STAT5B: variants seen among roughly 807,000 people sequenced by gnomAD.
STAT5B encodes transcription factor STAT5B.
STAT5B carries 21 observed loss-of-function variants against 107.8 expected under a neutral mutation model. That is an observed-to-expected ratio of 0.19 (90% CI 0.14 to 0.28). The LOEUF (loss-of-function observed/expected upper bound fraction) is 0.28. STAT5B is among the 10% of genes least tolerant of loss of function. STAT5B has a pLI of 1.00. For missense variants in STAT5B, 565 were observed against 1,008.2 expected, an observed-to-expected ratio of 0.56 and a Z score of 5.95; for synonymous variants, 325 against 401.7, an observed-to-expected ratio of 0.81 and a Z score of 2.28.
chr17:42,240,553 C>T (rs1027034629), intron 1 of STAT5B, among the ~76,000 whole-genome samples: 8 of 152,098 alleles, frequency 5.3e-5, no homozygotes, highest in Non-Finnish European at 1.0e-4. Flanking sequence ...GAAAATGTTC[C>T]GGAATTAGAT....
chr17:42,227,894 C>T (rs567698184), intron 2 of STAT5B, among the ~76,000 whole-genome samples: 12 of 151,878 alleles, frequency 7.9e-5, no homozygotes, highest in Non-Finnish European at 1.2e-4. Flanking sequence ...AGTAGATTTC[C>T]TTCTTTTAAA....
At chr17:42,240,467 G>A (rs1452103084) in intron 1 of STAT5B, among the ~76,000 whole-genome samples, 1 of 152,184 alleles carries the variant, frequency 6.6e-6, no homozygotes, top group Admixed American at 6.5e-5. Flanking sequence ...AAAATAGATT[G>A]TTGGTTGCCA....
In STAT5B at chr17:42,263,018, A is replaced by AT. The variant is rs2080630846; in HGVS notation, c.-11+13229_-11+13230insA. On this transcript the variant is annotated intron_variant, in intron 1 of 18. Transcript: ENST00000293328. ...TATATATATATATATATATATATAAAAAAACAAAAACAATTTTTTTTTTTT... is the reference window on the plus strand; with the variant it reads ...TATATATATATATATATATATATAAATAAAACAAAAACAATTTTTTTTTTTT... 6.2e-5 allele frequency among the ~76,000 whole-genome samples: 3 copies of AT among 48,008 alleles called. No homozygotes were observed. In the South Asian group the frequency reaches 2.4e-3, roughly 38 times the overall value. 31.5% of individuals were successfully genotyped at this position (48,008 alleles called of 152,430 possible). A position where few individuals can be genotyped will look rare whatever the true frequency, so the allele number is the denominator to read the frequency against.
chr17:42,202,068 T>C (rs1051561968), intron 18 of STAT5B: 2 of 637,500 alleles, frequency 3.1e-6, no homozygotes, highest in African/African-American at 1.8e-5. Context: ...ACACCGGCTG[T>C]CCAGACACAT....
At chr17:42,267,196 C>T (rs1408817312) in intron 1 of STAT5B, among the ~76,000 whole-genome samples, 1 of 152,174 alleles carries the variant, frequency 6.6e-6, no homozygotes, top group Non-Finnish European at 1.5e-5. Flanking sequence ...GCGTGCAGTA[C>T]ATACTTGATA....
intron 1 of STAT5B, chr17:42,269,522 C>T (rs2080704483): frequency 6.6e-6 from 1 of 152,192 alleles, no homozygotes; most frequent in Admixed American, 6.5e-5. Context: ...ATCTCACTGA[C>T]ACAAACATAA....
At chr17:42,247,869 C>T (rs1209851333) in intron 1 of STAT5B, among the ~76,000 whole-genome samples, 1 of 151,528 alleles carries the variant, frequency 6.6e-6, no homozygotes, top group African/African-American at 2.4e-5. Context: ...GGGAGAATCA[C>T]TTGAGCCTAG....
At chr17:42,204,020 G>A (rs139410666) in intron 16 of STAT5B, among the ~76,000 whole-genome samples, 60 of 152,242 alleles carry the variant, frequency 3.9e-4, no homozygotes, top group African/African-American at 1.4e-3. Context: ...ATCTGATGAT[G>A]TCTGAGGTTC....
chr17:42,280,570 C>A (rs2080791486), upstream of STAT5B, among the ~76,000 whole-genome samples: 1 of 152,158 alleles, frequency 6.6e-6, no homozygotes, highest in African/African-American at 2.4e-5. Context: ...TAAGAAAGGG[C>A]ACTGTGGGAA....
intron 1 of STAT5B, 74 bp from the exon 2 acceptor site, chr17:42,232,211 AC>A: frequency 6.8e-7 from 1 of 1,477,390 alleles, no homozygotes; most frequent in Non-Finnish European, 9.1e-7. Context: ...GTAAATATTC[AC>A]TTAGTTACCA....
intron 18 of STAT5B, chr17:42,202,099 A>G (rs1442702172): frequency 6.2e-6 from 4 of 640,932 alleles, no homozygotes; most frequent in Middle Eastern, 3.5e-4. Flanking sequence ...CTCAGTCCTT[A>G]GAGCAAGAAA....
At chr17:42,270,237 A>G (rs192756458) in intron 1 of STAT5B, among the ~76,000 whole-genome samples, 2 of 152,228 alleles carry the variant, frequency 1.3e-5, no homozygotes, top group Admixed American at 1.3e-4. Flanking sequence ...ATTAGCCCAA[A>G]TAAGTAAAAT....
chr17:42,255,422 CTT>C (rs939058164), intron 1 of STAT5B, among the ~76,000 whole-genome samples: 3 of 152,208 alleles, frequency 2.0e-5, no homozygotes, highest in African/African-American at 7.2e-5. Flanking sequence ...ATTAACTTGT[CTT>C]TGCATACTCA....
At chr17:42,285,373 T>TCCCA in the STAT5B span, among the ~76,000 whole-genome samples, 2 of 152,216 alleles carry the variant, frequency 1.3e-5, no homozygotes, top group Non-Finnish European at 2.9e-5. Flanking sequence ...ATTACAGGCG[T>TCCCA]GAGCCACTGC....
chr17:42,256,651 A>G lies in STAT5B; in HGVS notation c.-11+19597T>C, dbSNP rs557445812. On this transcript the variant is annotated intron_variant, in intron 1 of 18. Coordinates refer to ENST00000293328, the MANE Select transcript of STAT5B (RefSeq NM_012448.4). ...GAGGCGAGCAGGTCACGAGGTTAGG[A>G]GATCGAGACCATCCTGGCTAACATG... Among the ~76,000 whole-genome samples, 3 of 152,098 alleles carry G rather than the reference A, an allele frequency of 2.0e-5. No individual in the cohort carries two copies. In the South Asian group the frequency reaches 6.2e-4, roughly 32 times the overall value.
intron 1 of STAT5B, among the ~76,000 whole-genome samples, chr17:42,264,119 GT>G (rs951255739): frequency 9.9e-5 from 15 of 151,740 alleles, no homozygotes; most frequent in Admixed American, 3.3e-4. Context: ...AAATGATTTA[GT>G]TTATTAAACC....
the STAT5B span, among the ~76,000 whole-genome samples, chr17:42,285,752 C>T: frequency 6.6e-6 from 1 of 152,230 alleles, no homozygotes; most frequent in African/African-American, 2.4e-5. Context: ...TGACACCCTT[C>T]CCTCTACTCC....
At chr17:42,242,445 G>A (rs2080411911) in intron 1 of STAT5B, among the ~76,000 whole-genome samples, 3 of 152,136 alleles carry the variant, frequency 2.0e-5, no homozygotes, top group Admixed American at 2.0e-4. Flanking sequence ...AAATCTGGCG[G>A]ACAATGCCTT....
intron 2 of STAT5B, among the ~76,000 whole-genome samples, chr17:42,229,330 AAT>A (rs1225505783): frequency 6.6e-6 from 1 of 151,698 alleles, no homozygotes; most frequent in Non-Finnish European, 1.5e-5. Flanking sequence ...TTGTATTTTT[AAT>A]AGAGACGGGG....
Sources: allele counts gnomAD v4.1 joint callset (sites outside exome capture counted in the v4.1 genomes callset), GRCh38; gene constraint gnomAD v4.1.1; transcripts MANE v1.5; gene names NCBI Gene and HGNC (gene_info 2026-07-23, HGNC 2026-07-21).